SLC22A25: variants seen among roughly 807,000 people sequenced by gnomAD.
SLC22A25 encodes the protein MGI:2442751, MGI:2385316, MGI:3042283, MGI:3645714, MGI:3605624, MGI:2442750.
In SLC22A25, 44 loss-of-function variants were observed where a neutral mutation model predicts 45.9. That is an observed-to-expected ratio of 0.96 (90% confidence interval 0.75 to 1.23). The LOEUF (loss-of-function observed/expected upper bound fraction) is 1.23. Ranked by LOEUF, SLC22A25 falls within the 50% of genes most tolerant of loss-of-function variation. The pLI, the probability that SLC22A25 is intolerant of heterozygous loss-of-function variation, is 0.00. For missense variants in SLC22A25, 800 were observed against 666.4 expected (o/e 1.20, Z -2.21); for synonymous variants, 283 against 238.6 (o/e 1.19, Z -1.72).
rs571556480 is a variant in SLC22A25, at chr11:63,164,656, G to A, written c.1286-22C>T. The A allele has an allele frequency of 2.3e-5, 37 of 1,586,972 alleles. 1 individual carries two copies. In the South Asian group the frequency reaches 3.5e-4, roughly 15 times the overall value. On this transcript the variant is annotated intron_variant, in intron 10 of 11. Coordinates refer to ENST00000306494, the MANE Select transcript of SLC22A25 (RefSeq NM_199352.6). The stretch of plus-strand genomic sequence containing the variant: ...ATTTCTGGAGAAAGGAAGACCACAG[G>A]GCCTCAGGAAATCTGAGCTGAAGGA...
intron 7 of SLC22A25, among the ~76,000 whole-genome samples, chr11:63,215,388 C>T (rs2089684255): frequency 6.6e-6 from 1 of 152,026 alleles, no homozygotes; most frequent in Non-Finnish European, 1.5e-5. Context: ...ACAATGAGGA[C>T]ACATGGACAC....
In SLC22A25 at chr11:63,209,692, C is replaced by T. The variant is rs548884079; in HGVS notation, c.830+7622G>A. Among the ~76,000 whole-genome samples, 6 of 152,320 alleles carry T rather than the reference C, an allele frequency of 3.9e-5. No individual in the cohort carries two copies. In the South Asian group the frequency reaches 1.2e-3, roughly 32 times the overall value. On this transcript the variant is annotated intron_variant, in intron 7 of 11. Transcript: ENST00000306494. ...TACGTTTATCAGCCTTTCTCCACTA[C>T]TGATCTCTTAAATTGGAAACAGCAC...
rs146655085 is a variant in SLC22A25, at chr11:63,233,535, T to C, written c.-444-3439A>G. ...CTTGATTTTTCTCTCTTTTGTTCTT[T>C]ATTAGTCCTGCTAGCAGTCTATCAA... On this transcript the variant is annotated intron_variant, in intron 3 of 11. Transcript: ENST00000306494. Among the ~76,000 whole-genome samples the C allele has an allele frequency of 6.0e-3, 919 of 152,332 alleles. 12 individuals are homozygous for C. The highest frequency in any genetic ancestry group is 0.02 in the African/African-American group (840 of 41,570).
intron 3 of SLC22A25, among the ~76,000 whole-genome samples, chr11:63,233,786 T>C (rs570738363): frequency 5.3e-5 from 8 of 152,288 alleles, no homozygotes; most frequent in Non-Finnish European, 8.8e-5. Context: ...GCTATAAATT[T>C]CCCTCTACAC....
chr11:63,195,423 T>G (rs1387230389), intron 7 of SLC22A25, among the ~76,000 whole-genome samples: 1 of 151,980 alleles, frequency 6.6e-6, no homozygotes, highest in Non-Finnish European at 1.5e-5. Flanking sequence ...CACAGTGCAA[T>G]CAAATTAGAA....
chr11:63,243,394 G>C lies in SLC22A25; in HGVS notation c.-996+40C>G, dbSNP rs1188668883. On this transcript the variant is annotated intron_variant, in intron 1 of 11. Coordinates refer to ENST00000306494, the MANE Select transcript of SLC22A25 (RefSeq NM_199352.6). ...TAATGCTGGAGGTCTGTGAGGAACA[G>C]AAGTGTGAAGAAAAGGTTTTCCCTC... 5.8e-6 allele frequency: 4 copies of C among 695,008 alleles called. 1 individual carries two copies. The South Asian group carries it at 6.0e-5, about 10-fold the overall frequency. 43.1% of individuals were successfully genotyped at this position (695,008 alleles called of 1,614,324 possible). A position where few individuals can be genotyped will look rare whatever the true frequency, so the allele number is the denominator to read the frequency against.
chr11:63,177,916 C>CT (rs202010380), intron 9 of SLC22A25, among the ~76,000 whole-genome samples: 2,509 of 82,264 alleles, frequency 0.03, 68 homozygotes, highest in African/African-American at 0.072. Flanking sequence ...ATCCCATTTT[C>CT]TTTTTTTTTG....
chr11:63,236,378 A>C (rs961616896), intron 3 of SLC22A25, among the ~76,000 whole-genome samples: 4 of 152,154 alleles, frequency 2.6e-5, no homozygotes, highest in African/African-American at 9.7e-5. Context: ...GCCACCTTGC[A>C]GTTTGATCTC....
chr11:63,222,439 T>C (rs2089873424), intron 5 of SLC22A25, among the ~76,000 whole-genome samples: 1 of 152,244 alleles, frequency 6.6e-6, no homozygotes, highest in South Asian at 2.1e-4. Context: ...TGTTGGCATA[T>C]AGAAATGCTA....
In SLC22A25 at chr11:63,160,898, C is replaced by A. The variant is rs1417446249; in HGVS notation, c.*2926G>T. Among the ~76,000 whole-genome samples the A allele has an allele frequency of 6.6e-6, 1 of 152,172 alleles. No homozygotes were observed. Among genetic ancestry groups the A allele is most frequent in the African/African-American group, 2.4e-5 (1 of 41,524 alleles). On this transcript the variant is annotated 3_prime_UTR_variant, in exon 12 of 12. Coordinates refer to ENST00000306494, the MANE Select transcript of SLC22A25 (RefSeq NM_199352.6). Reference sequence around the variant, plus strand: ...GCTGGATTTTGGAATTGTATGGGGCCTTTAGTAAAACTGCTATGGAGAACA... The same window carrying A: ...GCTGGATTTTGGAATTGTATGGGGCATTTAGTAAAACTGCTATGGAGAACA...
chr11:63,240,480 C>G (rs2090229957), intron 1 of SLC22A25, among the ~76,000 whole-genome samples: 1 of 152,140 alleles, frequency 6.6e-6, no homozygotes, highest in South Asian at 2.1e-4. Flanking sequence ...ATTTTCCTTT[C>G]TTCAATAATA....
intron 7 of SLC22A25, among the ~76,000 whole-genome samples, chr11:63,207,824 T>A (rs2089448396): frequency 6.6e-6 from 1 of 152,210 alleles, no homozygotes; most frequent in Admixed American, 6.5e-5. Context: ...GTTTTTGAAA[T>A]GTAAGAAATG....
chr11:63,209,367 G>A (rs896458841), intron 7 of SLC22A25, among the ~76,000 whole-genome samples: 5 of 152,062 alleles, frequency 3.3e-5, no homozygotes, highest in South Asian at 2.1e-4. Flanking sequence ...AGTTCTTCAG[G>A]CCCCACCAGA....
intron 1 of SLC22A25, chr11:63,243,070 G>C (rs1257778700): frequency 6.4e-6 from 1 of 156,830 alleles, no homozygotes; most frequent in African/African-American, 2.4e-5. Flanking sequence ...GGAGTGAGGG[G>C]TCACAGAGCT....
chr11:63,241,587 A>G (rs917311355), intron 1 of SLC22A25, among the ~76,000 whole-genome samples: 1 of 152,144 alleles, frequency 6.6e-6, no homozygotes, highest in Admixed American at 6.5e-5. Flanking sequence ...TTATTTATAC[A>G]CAAAGTAGAT....
At chr11:63,207,657 AG>A (rs1468504495) in intron 7 of SLC22A25, among the ~76,000 whole-genome samples, 3 of 152,166 alleles carry the variant, frequency 2.0e-5, no homozygotes, top group African/African-American at 7.2e-5. Context: ...CCTGAGAAAA[AG>A]AAAGAGCTGG....
chr11:63,217,218 G>C (rs1053089035), intron 7 of SLC22A25, 96 bp downstream of exon 7: 10 of 1,402,396 alleles, frequency 7.1e-6, no homozygotes, highest in Non-Finnish European at 9.7e-6. Flanking sequence ...ATGTACTCAA[G>C]GCTAGATAGA....
intron 8 of SLC22A25, among the ~76,000 whole-genome samples, chr11:63,183,397 C>T (rs765265157): frequency 1.3e-5 from 2 of 152,040 alleles, no homozygotes; most frequent in Non-Finnish European, 2.9e-5. Context: ...AAGTAATGAA[C>T]TAATTTAGGT....
intron 5 of SLC22A25, among the ~76,000 whole-genome samples, chr11:63,225,756 T>C (rs1225517970): frequency 6.6e-6 from 1 of 152,200 alleles, no homozygotes; most frequent in Non-Finnish European, 1.5e-5. Flanking sequence ...CGAAGGCCAA[T>C]AACCCTTGGA....
Sources: gnomAD v4.1 joint callset for allele counts (sites outside exome capture counted in the v4.1 genomes callset) on GRCh38, gnomAD v4.1.1 for gene constraint, MANE v1.5 for transcripts, NCBI Gene and HGNC (gene_info 2026-07-23, HGNC 2026-07-21) for gene names.